The following PRKCA variants were observed in gnomAD, a reference collection of about 807,000 sequenced individuals.
PRKCA encodes the protein protein kinase C alpha, also known as protein kinase C alpha type.
Under a neutral mutation model 87.0 loss-of-function variants are expected in PRKCA, and 27 were observed. The observed-to-expected ratio is 0.31, with a 90% CI of 0.23 to 0.43. The LOEUF (loss-of-function observed/expected upper bound fraction) is 0.43. Ranked by LOEUF, PRKCA falls within the 20% of genes least tolerant of loss-of-function variation. The probability of loss-of-function intolerance (pLI) is 1.00; values close to 1 mark genes in which losing one functional copy is unlikely to be tolerated. For synonymous variants in PRKCA, 329 were observed against 311.1 expected (o/e 1.06, Z -0.61); for missense variants, 518 against 852.3 (o/e 0.61, Z 4.88).
At chr17:66,471,393 GT>G (rs552900692) in intron 2 of PRKCA, among the ~76,000 whole-genome samples, 78 of 152,326 alleles carry the variant, frequency 5.1e-4, no homozygotes, top group African/African-American at 1.9e-3. Flanking sequence ...TAATTAGCTT[GT>G]GAAGTCCCTC....
At chr17:66,377,957 C>A (rs1448726848) in intron 2 of PRKCA, among the ~76,000 whole-genome samples, 1 of 151,778 alleles carries the variant, frequency 6.6e-6, no homozygotes, top group Non-Finnish European at 1.5e-5. Context: ...TCATGGTTTA[C>A]TGTGAATGGA....
At chr17:66,432,508 A>C (rs775602037) in intron 2 of PRKCA, among the ~76,000 whole-genome samples, 6 of 152,034 alleles carry the variant, frequency 3.9e-5, no homozygotes, top group Admixed American at 6.6e-5. Context: ...CTCCCTGATA[A>C]TATTTTATTT....
intron 2 of PRKCA, among the ~76,000 whole-genome samples, chr17:66,363,727 G>A (rs1009366472): frequency 6.6e-5 from 10 of 151,788 alleles, no homozygotes; most frequent in Non-Finnish European, 1.0e-4. Flanking sequence ...TTTTGAGACG[G>A]AGTCTCACCC....
intron 3 of PRKCA, among the ~76,000 whole-genome samples, chr17:66,553,368 G>A (rs931132349): frequency 1.8e-4 from 28 of 152,146 alleles, no homozygotes; most frequent in African/African-American, 6.3e-4. Context: ...TAATTCCATA[G>A]CTAGAAAGAT....
At chr17:66,468,564 C>G (rs180704014) in intron 2 of PRKCA, among the ~76,000 whole-genome samples, 30 of 152,248 alleles carry the variant, frequency 2.0e-4, no homozygotes, top group African/African-American at 7.0e-4. Context: ...CCTCTTGTTC[C>G]CAACATATTT....
intron 8 of PRKCA, among the ~76,000 whole-genome samples, chr17:66,699,704 A>G (rs1448485365): frequency 6.6e-6 from 1 of 152,234 alleles, no homozygotes; most frequent in Non-Finnish European, 1.5e-5. Flanking sequence ...CTCCTGCCTC[A>G]GCCTCCTGAA....
intron 5 of PRKCA, among the ~76,000 whole-genome samples, chr17:66,653,559 C>T (rs1407635452): frequency 6.6e-6 from 1 of 152,140 alleles, no homozygotes; most frequent in Non-Finnish European, 1.5e-5. Context: ...CCACTGCATG[C>T]CAGCCTAGGT....
chr17:66,435,948 A>G (rs11079657), intron 2 of PRKCA, among the ~76,000 whole-genome samples: 96,586 of 151,916 alleles, frequency 0.64, 32,621 homozygotes, highest in Non-Finnish European at 0.77. Context: ...TGGAGAGGCC[A>G]AGTTACAGGA....
rs985077463 is a variant in PRKCA, at chr17:66,809,961, A to G, written c.*5924A>G. 1.3e-5 allele frequency: 2 copies of G among 152,198 alleles called. No homozygotes were observed. Among genetic ancestry groups the G allele is most frequent in the African/African-American group, 4.8e-5 (2 of 41,432 alleles). The allele number at this position is 152,198 out of a possible 1,614,324, so 9.4% of individuals were successfully genotyped here. ...GAAGATTCAGAGATGCCCTGTAAGGATTTTGCCCACTGGGCAACTCAGAAA... is the reference window on the plus strand; with the variant it reads ...GAAGATTCAGAGATGCCCTGTAAGGGTTTTGCCCACTGGGCAACTCAGAAA... On this transcript the variant is annotated 3_prime_UTR_variant, in exon 17 of 17. Transcript: ENST00000413366.
chr17:66,361,315 A>AC (rs1908377009), intron 2 of PRKCA, among the ~76,000 whole-genome samples: 2 of 146,664 alleles, frequency 1.4e-5, no homozygotes, highest in South Asian at 4.4e-4. Context: ...CATACATTAG[A>AC]TTTTTTTTTT....
chr17:66,489,352 CATATATATATATAT>C (rs10529618), intron 2 of PRKCA, among the ~76,000 whole-genome samples: 1,259 of 98,970 alleles, frequency 0.013, 21 homozygotes, highest in South Asian at 0.055. Flanking sequence ...CTTAGCAGTG[CATATATATATATAT>C]ATATATATAT....
At chr17:66,369,887 G>A (rs1225726055) in intron 2 of PRKCA, among the ~76,000 whole-genome samples, 1 of 152,122 alleles carries the variant, frequency 6.6e-6, no homozygotes, top group African/African-American at 2.4e-5. Flanking sequence ...CAAAGAACTC[G>A]AGCAGCCTGT....
At chr17:66,676,587 T>G (rs1972341011) in intron 5 of PRKCA, 1 of 152,292 alleles carries the variant, frequency 6.6e-6, no homozygotes, top group Admixed American at 6.5e-5. Flanking sequence ...GTGCTCACTG[T>G]TTGCACTTGC....
At chr17:66,576,252 C>T (rs751201920) in intron 3 of PRKCA, among the ~76,000 whole-genome samples, 2 of 152,204 alleles carry the variant, frequency 1.3e-5, no homozygotes, top group African/African-American at 2.4e-5. Flanking sequence ...ATTTCATGTG[C>T]GCGGTTGCTC....
In PRKCA at chr17:66,557,090, G is replaced by C. The variant is rs571036591; in HGVS notation, c.288+60807G>C. Reference sequence around the variant, plus strand: ...GACCAAGTGACCACCTTCCCCTTGCGCTGAGAGGGAATTTCTTCAACTGGT... The same window carrying C: ...GACCAAGTGACCACCTTCCCCTTGCCCTGAGAGGGAATTTCTTCAACTGGT... On this transcript the variant is annotated intron_variant, in intron 3 of 16. Coordinates refer to ENST00000413366, the MANE Select transcript of PRKCA (RefSeq NM_002737.3). Among the ~76,000 whole-genome samples, 197 of 152,224 alleles carry C rather than the reference G, an allele frequency of 1.3e-3. 2 individuals carry two copies. The highest frequency in any genetic ancestry group is 1.7e-3 in the South Asian group (8 of 4,820).
intron 5 of PRKCA, among the ~76,000 whole-genome samples, chr17:66,656,337 T>G (rs538524336): frequency 1.8e-3 from 273 of 152,332 alleles, no homozygotes; most frequent in African/African-American, 6.1e-3. Context: ...AAAGATAGGC[T>G]TTGAATGCTT....
intron 3 of PRKCA, among the ~76,000 whole-genome samples, chr17:66,537,004 A>AT (rs1428779094): frequency 7.3e-6 from 1 of 137,462 alleles, no homozygotes; most frequent in Non-Finnish European, 1.6e-5. Flanking sequence ...CACCCCAGTT[A>AT]TTAGAACCTC....
At chr17:66,512,637 T>C (rs889916419) in intron 3 of PRKCA, among the ~76,000 whole-genome samples, 7 of 152,172 alleles carry the variant, frequency 4.6e-5, no homozygotes, top group Admixed American at 4.6e-4. Context: ...ATCTTCATGA[T>C]GCTCATTCGT....
chr17:66,789,339 G>A (rs1975476780), intron 16 of PRKCA, among the ~76,000 whole-genome samples: 1 of 152,228 alleles, frequency 6.6e-6, no homozygotes, highest in African/African-American at 2.4e-5. Context: ...GTCCTCAGCA[G>A]GACTCAGGCT....
Sources: gnomAD v4.1 joint callset for allele counts (sites outside exome capture counted in the v4.1 genomes callset) on GRCh38, gnomAD v4.1.1 for gene constraint, MANE v1.5 for transcripts, NCBI Gene and HGNC (gene_info 2026-07-23, HGNC 2026-07-21) for gene names.